The following PRKCE variants were observed in gnomAD, a reference collection of about 807,000 sequenced individuals.
PRKCE encodes the protein protein kinase C epsilon.
PRKCE carries 16 observed loss-of-function variants against 85.4 expected under a neutral mutation model. The ratio of observed to expected loss-of-function variants is 0.19; its 90% CI spans 0.13 to 0.28. The LOEUF (loss-of-function observed/expected upper bound fraction) is 0.28. Ranked by LOEUF, PRKCE falls within the 10% of genes least tolerant of loss-of-function variation. The pLI is 1.00. For synonymous variants in PRKCE, 388 were observed against 371.5 expected, an observed-to-expected ratio of 1.04 and a Z score of -0.51; for missense variants, 573 against 975.2, an observed-to-expected ratio of 0.59 and a Z score of 5.49.
chr2:46,108,544 A>T (rs888030531), intron 11 of PRKCE, among the ~76,000 whole-genome samples: 1 of 152,324 alleles, frequency 6.6e-6, no homozygotes, highest in Admixed American at 6.5e-5. Flanking sequence ...AGGCTGCTCG[A>T]TGGGTACAAT....
chr2:46,185,433 A>T lies in PRKCE; in HGVS notation c.*552A>T, dbSNP rs1680382383. On this transcript the variant is annotated 3_prime_UTR_variant, in exon 15 of 15. Coordinates refer to ENST00000306156, the MANE Select transcript of PRKCE (RefSeq NM_005400.3). This position sits in a 1 kb window ranked among gnomAD's most constrained non-coding sequence, Gnocchi z 4.7. ...GAGACCAGAGATGCAGGGATTGGCC[A>T]GCTGGGTTGGTTTGCTCTGGAATGG... 6.5e-6 allele frequency: 1 copy of T among 152,864 alleles called. No homozygotes were observed. The highest frequency in any genetic ancestry group is 1.5e-5 in the Non-Finnish European group (1 of 68,242). The allele number at this position is 152,864 out of a possible 1,614,324, so 9.5% of individuals were successfully genotyped here. A position where few individuals can be genotyped will look rare whatever the true frequency, so the allele number is the denominator to read the frequency against.
intron 1 of PRKCE, among the ~76,000 whole-genome samples, chr2:45,839,579 C>T (rs1463157): frequency 0.081 from 12,285 of 152,272 alleles, 748 homozygotes; most frequent in Admixed American, 0.14. Flanking sequence ...TTTTGTGTCA[C>T]GCCAGCTGCC....
intron 11 of PRKCE, among the ~76,000 whole-genome samples, chr2:46,096,296 G>C (rs1197445391): frequency 6.6e-6 from 1 of 152,212 alleles, no homozygotes; most frequent in Admixed American, 6.5e-5. Context: ...CAGAAGTGCT[G>C]AGTGCAATCT....
intron 11 of PRKCE, among the ~76,000 whole-genome samples, chr2:46,129,369 G>A (rs557736919): frequency 1.4e-4 from 21 of 152,266 alleles, no homozygotes; most frequent in African/African-American, 4.8e-4. Flanking sequence ...CAAGGGCATG[G>A]ACCAGAGTTA....
At chr2:45,739,069 G>A (rs1189245031) in intron 1 of PRKCE, among the ~76,000 whole-genome samples, 1 of 152,212 alleles carries the variant, frequency 6.6e-6, no homozygotes, top group Non-Finnish European at 1.5e-5. Context: ...TCTTCTGGCT[G>A]GCTGTATTCT....
chr2:45,818,639 G>A (rs916342095), intron 1 of PRKCE, among the ~76,000 whole-genome samples: 3 of 152,174 alleles, frequency 2.0e-5, no homozygotes, highest in African/African-American at 4.8e-5. Context: ...AGCCCTTTGA[G>A]CTGGCAGTTT....
intron 12 of PRKCE, among the ~76,000 whole-genome samples, chr2:46,147,392 T>C (rs1043467334): frequency 3.9e-5 from 6 of 152,210 alleles, no homozygotes; most frequent in Non-Finnish European, 5.9e-5. Flanking sequence ...TGCCAGAGCC[T>C]AACAGTTGAC....
intron 2 of PRKCE, among the ~76,000 whole-genome samples, chr2:45,927,211 G>A (rs952599787): frequency 6.6e-6 from 1 of 152,126 alleles, no homozygotes; most frequent in Non-Finnish European, 1.5e-5. Flanking sequence ...TGCATGGGGG[G>A]GGTGTTGTCA....
In PRKCE at chr2:45,823,841, C is replaced by A. The variant is rs376219068; in HGVS notation, c.349-19159C>A. ...GCATCTGAGAGGCATGTGCTCTGGA[C>A]AACTGGGTCTGTTCCGTGCTGGCAG... is the stretch of plus-strand genomic sequence containing the variant. On this transcript the variant is annotated intron_variant, in intron 1 of 14. Coordinates refer to ENST00000306156, the MANE Select transcript of PRKCE (RefSeq NM_005400.3). 8.3e-4 allele frequency among the ~76,000 whole-genome samples: 127 copies of A among 152,362 alleles called. 2 individuals carry two copies. In the South Asian group the frequency reaches 0.025, roughly 31 times the overall value.
intron 1 of PRKCE, among the ~76,000 whole-genome samples, chr2:45,827,346 G>A (rs1417562565): frequency 6.6e-6 from 1 of 152,206 alleles, no homozygotes; most frequent in Non-Finnish European, 1.5e-5. Flanking sequence ...CATAAATGAA[G>A]GATCTATTCT....
At position 46,139,539 on chromosome 2, in the gene PRKCE, G is replaced by C. The variant is rs1024381893; in HGVS notation, c.1593-5554G>C. On this transcript the variant is annotated intron_variant, in intron 11 of 14. Transcript: ENST00000306156. This position sits in a 1 kb window ranked among gnomAD's most constrained non-coding sequence, Gnocchi z 5.2. ...AAGTTTCTTTCTTTTTCATATGAAA[G>C]TTATCTGAAGGCTGATGGTCCAGTT... Among the ~76,000 whole-genome samples, 7 of 152,028 alleles carry C rather than the reference G, an allele frequency of 4.6e-5. No homozygotes were observed. The highest frequency in any genetic ancestry group is 4.6e-4 in the Admixed American group (7 of 15,264).
At chr2:45,725,053 C>A (rs758050359) in intron 1 of PRKCE, among the ~76,000 whole-genome samples, 5 of 152,232 alleles carry the variant, frequency 3.3e-5, no homozygotes, top group Non-Finnish European at 7.3e-5. Context: ...CAATACCTGG[C>A]TTCAAAGCTT....
At chr2:45,752,923 C>T (rs760138646) in intron 1 of PRKCE, among the ~76,000 whole-genome samples, 2 of 152,044 alleles carry the variant, frequency 1.3e-5, no homozygotes, top group Admixed American at 6.5e-5. Context: ...GATGGGGCAC[C>T]GGCTGTTAAT....
chr2:46,110,097 T>C (rs1672115602), intron 11 of PRKCE, among the ~76,000 whole-genome samples: 1 of 152,158 alleles, frequency 6.6e-6, no homozygotes, highest in Non-Finnish European at 1.5e-5. Context: ...GCTTGCTAAT[T>C]TTTTGAGAAA....
chr2:45,959,349 G>A (rs553889053), intron 2 of PRKCE, among the ~76,000 whole-genome samples: 18 of 152,274 alleles, frequency 1.2e-4, no homozygotes, highest in Non-Finnish European at 2.5e-4. Flanking sequence ...AATATATAAT[G>A]TCATGTCTTC....
intron 2 of PRKCE, among the ~76,000 whole-genome samples, chr2:45,922,908 A>G (rs151240545): frequency 1.3e-5 from 2 of 152,322 alleles, no homozygotes; most frequent in East Asian, 3.9e-4. Context: ...CATCCTTCAC[A>G]TATTAGTCAT....
intron 2 of PRKCE, among the ~76,000 whole-genome samples, chr2:45,925,030 G>T (rs1285828377): frequency 6.6e-6 from 1 of 152,196 alleles, no homozygotes; most frequent in African/African-American, 2.4e-5. Context: ...GGAAACTGAG[G>T]TACCCTGGGC....
At chr2:46,144,566 C>G (rs1171497980) in intron 11 of PRKCE, among the ~76,000 whole-genome samples, 1 of 152,184 alleles carries the variant, frequency 6.6e-6, no homozygotes, top group Admixed American at 6.5e-5. Flanking sequence ...GCGCTGTTTC[C>G]TGGAAGCCCT....
In PRKCE at chr2:46,187,095, C is replaced by A. The variant is rs1680500539; in HGVS notation, c.*2214C>A. 1 of 152,610 alleles carries A rather than the reference C, an allele frequency of 6.6e-6. No individual in the cohort carries two copies. Among genetic ancestry groups the A allele is most frequent in the South Asian group, 2.1e-4 (1 of 4,824 alleles). 9.5% of individuals were successfully genotyped at this position (152,610 alleles called of 1,614,324 possible). Reference sequence around the variant, plus strand: ...TTTTTAGGAAGACATGATAATACTGCCCATCATATTCATGTGTAACTACTG... The same window carrying A: ...TTTTTAGGAAGACATGATAATACTGACCATCATATTCATGTGTAACTACTG... On this transcript the variant is annotated 3_prime_UTR_variant, in exon 15 of 15. Coordinates refer to ENST00000306156, the MANE Select transcript of PRKCE (RefSeq NM_005400.3).
Sources: allele counts gnomAD v4.1 joint callset (sites outside exome capture counted in the v4.1 genomes callset), GRCh38; gene constraint gnomAD v4.1.1; non-coding constraint Gnocchi (gnomAD v3.1); transcripts MANE v1.5; gene names NCBI Gene and HGNC (gene_info 2026-07-23, HGNC 2026-07-21).